Variants in PPARGC1A observed in about 807,000 individuals in gnomAD.
PPARGC1A encodes PPARG coactivator 1 alpha.
Under a neutral mutation model 88.7 loss-of-function variants are expected in PPARGC1A, and 25 were observed. The ratio of observed to expected loss-of-function variants is 0.28; its 90% CI spans 0.21 to 0.39. The LOEUF is 0.39. Ranked by LOEUF, PPARGC1A falls within the 10% of genes least tolerant of loss-of-function variation. The pLI, the probability that PPARGC1A is intolerant of heterozygous loss-of-function variation, is 1.00. For synonymous variants in PPARGC1A, 363 were observed against 355.6 expected, an observed-to-expected ratio of 1.02 and a Z score of -0.24; for missense variants, 880 against 968.7, an observed-to-expected ratio of 0.91 and a Z score of 1.22.
At chr4:24,343,090 C>G in the PPARGC1A span, among the ~76,000 whole-genome samples, 33 of 152,316 alleles carry the variant, frequency 2.2e-4, no homozygotes, top group African/African-American at 7.5e-4. Context: ...TAGAACGTTT[C>G]AAAATAGCAA....
At chr4:24,241,854 A>G in the PPARGC1A span, among the ~76,000 whole-genome samples, 2 of 152,230 alleles carry the variant, frequency 1.3e-5, no homozygotes, top group African/African-American at 4.8e-5. Flanking sequence ...AGCAGATAAC[A>G]TGGGAGAAAC....
At chr4:24,167,680 A>C in the PPARGC1A span, among the ~76,000 whole-genome samples, 1 of 152,122 alleles carries the variant, frequency 6.6e-6, no homozygotes, top group Non-Finnish European at 1.5e-5. Context: ...TTCCACCACC[A>C]AAAAGAGTAC....
At chr4:24,070,468 T>C in the PPARGC1A span, among the ~76,000 whole-genome samples, 1 of 152,138 alleles carries the variant, frequency 6.6e-6, no homozygotes, top group African/African-American at 2.4e-5. Context: ...AATGGGGTAT[T>C]AGAGTGAAAA....
chr4:24,141,695 G>A, the PPARGC1A span, among the ~76,000 whole-genome samples: 1 of 152,192 alleles, frequency 6.6e-6, no homozygotes, highest in Non-Finnish European at 1.5e-5. Flanking sequence ...GTGAAGGAAT[G>A]TTGCTTGTTT....
the PPARGC1A span, among the ~76,000 whole-genome samples, chr4:24,436,565 G>A: frequency 8.7e-4 from 126 of 144,882 alleles, no homozygotes; most frequent in Admixed American, 1.7e-3. Context: ...AGCTGACATC[G>A]ATTGGCCACC....
chr4:23,933,946 G>A, the PPARGC1A span, among the ~76,000 whole-genome samples: 3 of 152,196 alleles, frequency 2.0e-5, no homozygotes, highest in Non-Finnish European at 4.4e-5. Flanking sequence ...TCCTTTGCTA[G>A]GCCGAACTGT....
the PPARGC1A span, among the ~76,000 whole-genome samples, chr4:24,011,967 C>A: frequency 6.6e-6 from 1 of 152,092 alleles, no homozygotes; most frequent in Non-Finnish European, 1.5e-5. Flanking sequence ...TAATGAGGTA[C>A]CTAAAATGCA....
upstream of PPARGC1A, among the ~76,000 whole-genome samples, chr4:23,892,606 T>C (rs995545887): frequency 6.6e-6 from 1 of 152,036 alleles, no homozygotes; most frequent in Non-Finnish European, 1.5e-5. Flanking sequence ...ACCTTGGTTT[T>C]TTTCTGGTTC....
At chr4:24,199,919 T>C in the PPARGC1A span, among the ~76,000 whole-genome samples, 6 of 152,106 alleles carry the variant, frequency 3.9e-5, no homozygotes, top group African/African-American at 1.4e-4. Context: ...TATGAGGACG[T>C]TGCTGACAGC....
the PPARGC1A span, among the ~76,000 whole-genome samples, chr4:24,371,074 T>C: frequency 1.3e-5 from 2 of 152,106 alleles, no homozygotes; most frequent in Non-Finnish European, 2.9e-5. Context: ...GATGATGGTT[T>C]CCAGCTTCAT....
the PPARGC1A span, among the ~76,000 whole-genome samples, chr4:24,245,817 T>C: frequency 6.6e-6 from 1 of 152,262 alleles, no homozygotes; most frequent in Admixed American, 6.5e-5. Context: ...TGTAATCATA[T>C]CCCTATTCAG....
intron 2 of PPARGC1A, among the ~76,000 whole-genome samples, chr4:23,860,491 G>A (rs1362613093): frequency 6.6e-6 from 1 of 152,108 alleles, no homozygotes; most frequent in Non-Finnish European, 1.5e-5. Flanking sequence ...AACTATGTGA[G>A]GTGATGGATG....
the PPARGC1A span, among the ~76,000 whole-genome samples, chr4:23,953,192 T>C: frequency 6.6e-6 from 1 of 152,108 alleles, no homozygotes; most frequent in Non-Finnish European, 1.5e-5. Context: ...CTAAATGTGT[T>C]GGATATGTAC....
chr4:24,420,083 C>A, the PPARGC1A span, among the ~76,000 whole-genome samples: 129 of 152,342 alleles, frequency 8.5e-4, no homozygotes, highest in African/African-American at 3.0e-3. Flanking sequence ...CCATCAGACA[C>A]TTATAACTGG....
At chr4:24,409,014 G>A in the PPARGC1A span, among the ~76,000 whole-genome samples, 2 of 152,170 alleles carry the variant, frequency 1.3e-5, no homozygotes, top group Non-Finnish European at 2.9e-5. Flanking sequence ...GAGGAGGGGG[G>A]TAGAGTTAAA....
intron 1 of PPARGC1A, among the ~76,000 whole-genome samples, chr4:23,898,877 C>T (rs908536576): frequency 2.7e-5 from 4 of 148,524 alleles, no homozygotes; most frequent in African/African-American, 1.0e-4. Flanking sequence ...GCTTTTTTGC[C>T]CAGGCTGGAA....
the PPARGC1A span, among the ~76,000 whole-genome samples, chr4:24,021,931 A>T: frequency 3.3e-3 from 506 of 152,312 alleles, 5 homozygotes; most frequent in Non-Finnish European, 4.5e-3. Flanking sequence ...GCCCTTGCTA[A>T]ATAGATGATG....
the PPARGC1A span, among the ~76,000 whole-genome samples, chr4:23,979,672 G>C: frequency 3.3e-5 from 5 of 152,324 alleles, no homozygotes; most frequent in East Asian, 1.9e-4. Flanking sequence ...AACCCTGCGG[G>C]GGGGACAAGA....
the PPARGC1A span, among the ~76,000 whole-genome samples, chr4:24,404,968 G>A: frequency 9.9e-5 from 15 of 151,942 alleles, no homozygotes; most frequent in Non-Finnish European, 1.3e-4. Context: ...GATCACTTAC[G>A]CACACTTTCA....
Sources: gnomAD v4.1 joint callset for allele counts (sites outside exome capture counted in the v4.1 genomes callset) on GRCh38, gnomAD v4.1.1 for gene constraint, MANE v1.5 for transcripts, NCBI Gene and HGNC (gene_info 2026-07-23, HGNC 2026-07-21) for gene names.